Variants in BOD1L1 observed in about 807,000 individuals in gnomAD.
The protein encoded by BOD1L1 is biorientation of chromosomes in cell division protein 1-like 1.
A neutral mutation model predicts 240.7 loss-of-function variants in BOD1L1; 86 were observed. That is an observed-to-expected ratio of 0.36 (90% CI 0.30 to 0.43). BOD1L1 has a LOEUF of 0.43. Among genes scored for constraint, BOD1L1 ranks in the 20% least tolerant of loss-of-function variants. The probability of loss-of-function intolerance (pLI) is 1.00; values close to 1 mark genes in which losing one functional copy is unlikely to be tolerated. For synonymous variants in BOD1L1, 1,268 were observed against 1,272.3 expected (o/e 1.00, Z 0.07); for missense variants, 3,554 against 3,643.5 (o/e 0.98, Z 0.63).
intron 16 of BOD1L1, among the ~76,000 whole-genome samples, chr4:13,587,466 T>C (rs777058653): frequency 2.0e-5 from 3 of 152,160 alleles, no homozygotes; most frequent in Non-Finnish European, 2.9e-5. Flanking sequence ...AGAGAGCCTG[T>C]CTTTGTCTGA....
chr4:13,584,441 A>AGTGT (rs36096107), intron 17 of BOD1L1, among the ~76,000 whole-genome samples: 11,211 of 134,720 alleles, frequency 0.083, 415 homozygotes, highest in Non-Finnish European at 0.1. Flanking sequence ...AGAGAGAGAG[A>AGTGT]GTGTGTGTGT....
At chr4:13,572,445 T>C (rs1390756757) in intron 25 of BOD1L1, among the ~76,000 whole-genome samples, 1 of 152,190 alleles carries the variant, frequency 6.6e-6, no homozygotes, top group African/African-American at 2.4e-5. Context: ...CCTTTGGTCT[T>C]GGTGGATGGG....
At position 13,599,403 on chromosome 4, in the gene BOD1L1, A is replaced by T. The variant is rs1714902336; in HGVS notation, c.7497T>A (p.Ala2499=). The T allele has an allele frequency of 6.2e-6, 10 of 1,613,976 alleles. No homozygotes were observed. The highest frequency in any genetic ancestry group is 8.5e-6 in the Non-Finnish European group (10 of 1,179,888). Residue 2499 remains alanine, a synonymous_variant, in exon 10 of 26, where the codon GCT becomes GCA. Coordinates refer to ENST00000040738, the MANE Select transcript of BOD1L1 (RefSeq NM_148894.3). The stretch of plus-strand genomic sequence containing the variant: ...GTCCTCTCAGGTGGGCAGGTGAGTT[A>T]GCATTCCCCTCTAAGCCCCTTCCTG... ...YSAGRGLEGN[A]NSPAHLRGPE... is the part of the protein sequence containing the mutation.
At chr4:13,592,746 T>C (rs1361829480) in intron 12 of BOD1L1, 1 of 152,226 alleles carries the variant, frequency 6.6e-6, no homozygotes, top group Non-Finnish European at 1.5e-5. Context: ...TGACACTTCT[T>C]ACGAGTCTTC....
chr4:13,597,926 G>C (rs1714753465), intron 10 of BOD1L1, among the ~76,000 whole-genome samples: 1 of 152,156 alleles, frequency 6.6e-6, no homozygotes, highest in Non-Finnish European at 1.5e-5. Context: ...CCTGAGACTG[G>C]GTTAGATGAT....
chr4:13,607,000 G>A, intron 9 of BOD1L1, 117 bp downstream of exon 9: 1 of 650,060 alleles, frequency 1.5e-6, no homozygotes, highest in Non-Finnish European at 2.4e-6. Context: ...CTGAATGTAA[G>A]TTGACTTTTT....
chr4:13,587,572 T>C, intron 16 of BOD1L1, 127 bp downstream of exon 16: 1 of 682,526 alleles, frequency 1.5e-6, no homozygotes, highest in South Asian at 2.1e-5. Context: ...AGAAACAAAT[T>C]AGCCTCAAGA....
chr4:13,603,015 C>A lies in BOD1L1; in HGVS notation c.3885G>T (p.Ser1295=), dbSNP rs182239378. 2 of 1,613,852 alleles carry A rather than the reference C, an allele frequency of 1.2e-6. No homozygotes were observed. Among genetic ancestry groups the A allele is most frequent in the Non-Finnish European group, 1.7e-6 (2 of 1,179,882 alleles). The change falls in exon 10 of 26, where the codon TCG becomes TCT. Residue 1295 remains serine (S), a synonymous_variant. Transcript: ENST00000040738. ...SSVTVVPLRE[S]YDPDVIPLFD... Reference sequence around the variant, plus strand: ...ACAGAGGAATTACATCTGGATCATACGATTCCCTCAGAGGCACAACAGTCA... The same window carrying A: ...ACAGAGGAATTACATCTGGATCATAAGATTCCCTCAGAGGCACAACAGTCA...
rs142894740 is a variant in BOD1L1 at position 13,599,583 on chromosome 4, G to A, written c.7317C>T (p.Pro2439=). The change falls in exon 10 of 26, where the codon CCC becomes CCT. Residue 2439 remains proline (P), a synonymous_variant. Transcript: ENST00000040738. Reference sequence around the variant, plus strand: ...CTCTTCCTGCAAATGGTCCTATTTCGGGGCACTCCTTGCCATGCTTCTCTT... The same window carrying A: ...CTCTTCCTGCAAATGGTCCTATTTCAGGGCACTCCTTGCCATGCTTCTCTT... The part of the protein sequence containing the change: ...EKEEKHGKEC[P]EIGPFAGRGQ... 2.9e-5 allele frequency: 46 copies of A among 1,613,800 alleles called. No individual in the cohort carries two copies. In the African/African-American group the frequency reaches 3.3e-4, roughly 12 times the overall value.
chr4:13,579,593 A>G (rs1281903329), intron 22 of BOD1L1, among the ~76,000 whole-genome samples: 2 of 152,260 alleles, frequency 1.3e-5, no homozygotes, highest in Non-Finnish European at 2.9e-5. Flanking sequence ...ATACATATAC[A>G]TTGCAAAAAA....
intron 2 of BOD1L1, 106 bp downstream of exon 2, chr4:13,619,837 T>C (rs1319415287): frequency 2.6e-5 from 36 of 1,359,870 alleles, no homozygotes; most frequent in Non-Finnish European, 3.5e-5. Flanking sequence ...TCCAGTAAAA[T>C]TGTCAACATC....
chr4:13,580,372 G>A (rs1713128397), intron 21 of BOD1L1, among the ~76,000 whole-genome samples: 1 of 152,172 alleles, frequency 6.6e-6, no homozygotes, highest in Non-Finnish European at 1.5e-5. Context: ...TGAGTCACCA[G>A]AGGGTCCCAT....
rs1712840746 is a variant in BOD1L1, at chr4:13,577,391, C to G, written c.8884+12G>C. On this transcript the variant is annotated intron_variant, in intron 24 of 25. Coordinates refer to ENST00000040738, the MANE Select transcript of BOD1L1 (RefSeq NM_148894.3). ...AACAATAAGACTTATTAAGAATTTG[C>G]TAGAAACATACCAGCATCATCTGAT... is the stretch of plus-strand genomic sequence containing the variant. The G allele has an allele frequency of 6.2e-7, 1 of 1,609,016 alleles. No homozygotes were observed. The highest frequency in any genetic ancestry group is 8.5e-7 in the Non-Finnish European group (1 of 1,178,112).
At chr4:13,580,065 G>C in intron 21 of BOD1L1, 92 bp from the exon 22 acceptor site, 1 of 924,498 alleles carries the variant, frequency 1.1e-6, no homozygotes, top group Non-Finnish European at 1.7e-6. Context: ...AGGTGGTATA[G>C]GATCTTTATT....
At chr4:13,609,263 T>G in intron 7 of BOD1L1, 32 bp downstream of exon 7, 1 of 1,247,000 alleles carries the variant, frequency 8.0e-7, no homozygotes, top group East Asian at 2.8e-5. Context: ...ATATATGAGA[T>G]AGTTTAAAAT....
In BOD1L1 at chr4:13,595,923, C is replaced by T; in HGVS notation, c.8041G>A (p.Glu2681Lys). The T allele has an allele frequency of 6.2e-7, 1 of 1,613,666 alleles. No homozygotes were observed. The highest frequency in any genetic ancestry group is 8.5e-7 in the Non-Finnish European group (1 of 1,179,830). The change falls in exon 12 of 26, where the codon GAG becomes AAG. Residue 2681 changes from glutamate (E) to lysine (K), a missense_variant. Transcript: ENST00000040738. ...KMEAYVPSEE[E>K]KNGEILAPPE... ...GGTGCCAGAATTTCACCATTTTTCT[C>T]TTCCTCTGAAGGCACATAAGCCTAA...
At position 13,600,910 on chromosome 4, in the gene BOD1L1, G is replaced by C; in HGVS notation, c.5990C>G (p.Thr1997Ser). ...SDSQLEKVED[T>S]TISTGLVGGS... The stretch of plus-strand genomic sequence containing the variant: ...CCCGACCAGGCCAGTGGAAATAGTG[G>C]TATCTTCAACTTTTTCGAGCTGACT... Residue 1997 changes from threonine to serine, a missense_variant, in exon 10 of 26, where the codon ACC becomes AGC. Coordinates refer to ENST00000040738, the MANE Select transcript of BOD1L1 (RefSeq NM_148894.3). The C allele has an allele frequency of 1.2e-6, 2 of 1,613,892 alleles. No homozygotes were observed. Among genetic ancestry groups the C allele is most frequent in the Non-Finnish European group, 1.7e-6 (2 of 1,179,878 alleles).
chr4:13,598,316 A>C (rs1248725096), intron 10 of BOD1L1, among the ~76,000 whole-genome samples: 1 of 152,232 alleles, frequency 6.6e-6, no homozygotes, highest in Admixed American at 6.5e-5. Context: ...GTTAAAAATA[A>C]CATGCTCCTT....
In BOD1L1 at chr4:13,599,030, C is replaced by G. The variant is rs1714844038; in HGVS notation, c.7870G>C (p.Asp2624His). The G allele has an allele frequency of 6.2e-7, 1 of 1,614,000 alleles. No homozygotes were observed. Among genetic ancestry groups the G allele is most frequent in the Non-Finnish European group, 8.5e-7 (1 of 1,179,870 alleles). Residue 2624 changes from aspartate to histidine, a missense_variant, in exon 10 of 26, where the codon GAT becomes CAT. Transcript: ENST00000040738. ...AATGATTTCCTTGTGCTGTTATCATCTCCTGTTTTCTCAGCAGATGCTTGA... is the reference window on the plus strand; with the variant it reads ...AATGATTTCCTTGTGCTGTTATCATGTCCTGTTTTCTCAGCAGATGCTTGA... ...TDQASAEKTG[D>H]DNSTRKSFPE... is the part of the protein sequence containing the mutation.
Sources: allele counts gnomAD v4.1 joint callset (sites outside exome capture counted in the v4.1 genomes callset), GRCh38; gene constraint gnomAD v4.1.1; transcripts MANE v1.5; gene names NCBI Gene and HGNC (gene_info 2026-07-23, HGNC 2026-07-21).